Variants in GNA14 observed in about 807,000 individuals in gnomAD.
GNA14 encodes the protein G protein subunit alpha 14, also known as guanine nucleotide-binding protein subunit alpha-14.
Under a neutral mutation model 42.0 loss-of-function variants are expected in GNA14, and 50 were observed. The ratio of observed to expected loss-of-function variants is 1.19; its 90% CI spans 0.95 to 1.51. The LOEUF (loss-of-function observed/expected upper bound fraction) is 1.51. Among genes scored for constraint, GNA14 ranks in the 40% most tolerant of loss-of-function variants. The pLI is 0.00. For synonymous variants in GNA14, 173 were observed against 163.1 expected (o/e 1.06, Z -0.46); for missense variants, 473 against 446.2 (o/e 1.06, Z -0.54).
chr9:77,485,520 G>T (rs1203336093), intron 2 of GNA14, among the ~76,000 whole-genome samples: 2 of 152,054 alleles, frequency 1.3e-5, no homozygotes, highest in Non-Finnish European at 2.9e-5. Flanking sequence ...GTTCTTCATG[G>T]TATCTAGAAT....
chr9:77,462,421 T>C (rs1225717455), intron 2 of GNA14, among the ~76,000 whole-genome samples: 1 of 152,134 alleles, frequency 6.6e-6, no homozygotes. Context: ...CAACTTTGGT[T>C]AGAAATAACT....
chr9:77,545,506 T>C (rs1326639106), intron 1 of GNA14, among the ~76,000 whole-genome samples: 2 of 152,226 alleles, frequency 1.3e-5, no homozygotes, highest in Non-Finnish European at 2.9e-5. Flanking sequence ...AAATTTGCTC[T>C]TGAAAGGTCC....
chr9:77,535,260 T>C (rs11145468), intron 1 of GNA14, among the ~76,000 whole-genome samples: 44,389 of 152,108 alleles, frequency 0.29, 7,181 homozygotes, highest in African/African-American at 0.43. Context: ...ATTTATGGGC[T>C]GGGTGCGGTG....
At chr9:77,517,315 A>C (rs1358267085) in intron 2 of GNA14, 1 of 151,904 alleles carries the variant, frequency 6.6e-6, no homozygotes, top group Non-Finnish European at 1.5e-5. Context: ...TTCATTCAAA[A>C]ATAGGGAGCA....
intron 2 of GNA14, among the ~76,000 whole-genome samples, chr9:77,518,404 G>C (rs1837295787): frequency 6.6e-6 from 1 of 152,010 alleles, no homozygotes; most frequent in Non-Finnish European, 1.5e-5. Context: ...GCAAAGGCAA[G>C]TCTCTACACA....
At chr9:77,616,957 C>T (rs886939163) in intron 1 of GNA14, among the ~76,000 whole-genome samples, 38 of 152,114 alleles carry the variant, frequency 2.5e-4, no homozygotes, top group Non-Finnish European at 5.1e-4. Flanking sequence ...GCAAGCTCCG[C>T]CTCCCGGGTT....
chr9:77,586,618 G>A (rs993384194), intron 1 of GNA14, among the ~76,000 whole-genome samples: 2 of 152,178 alleles, frequency 1.3e-5, no homozygotes, highest in African/African-American at 2.4e-5. Context: ...ACAGAGGGGC[G>A]GCCAAGTGGG....
At chr9:77,562,598 G>A (rs544718972) in intron 1 of GNA14, among the ~76,000 whole-genome samples, 5 of 152,248 alleles carry the variant, frequency 3.3e-5, no homozygotes, top group East Asian at 1.9e-4. Context: ...CTATTCATAC[G>A]TGGTAAAAGT....
At chr9:77,548,668 T>G (rs1349332682) in intron 1 of GNA14, among the ~76,000 whole-genome samples, 3 of 152,240 alleles carry the variant, frequency 2.0e-5, no homozygotes, top group African/African-American at 7.2e-5. Flanking sequence ...TTACCCGCCA[T>G]CCAGTGTTAA....
intron 1 of GNA14, among the ~76,000 whole-genome samples, chr9:77,619,722 C>CTA (rs1554703953): frequency 6.6e-6 from 1 of 152,110 alleles, no homozygotes; most frequent in African/African-American, 2.4e-5. Flanking sequence ...GGTGTCTGGC[C>CTA]TATAGTCAGC....
At chr9:77,512,512 A>C (rs1010930604) in intron 2 of GNA14, among the ~76,000 whole-genome samples, 5 of 152,218 alleles carry the variant, frequency 3.3e-5, no homozygotes, top group African/African-American at 1.2e-4. Flanking sequence ...CAGAAAAATT[A>C]ACAGGGAAAT....
At chr9:77,540,044 G>T (rs1248284227) in intron 1 of GNA14, among the ~76,000 whole-genome samples, 1 of 151,860 alleles carries the variant, frequency 6.6e-6, no homozygotes, top group Non-Finnish European at 1.5e-5. Flanking sequence ...GGTTTGGTTT[G>T]TTCTTGTATT....
In GNA14 at chr9:77,423,931, G is replaced by A. The variant is rs762611550; in HGVS notation, c.*48C>T. ...GAAGCACTTGCAAATAAAACAAGGA[G>A]TTTGCAAATCACATCTTCTGTTATA... is the stretch of plus-strand genomic sequence containing the variant. On this transcript the variant is annotated 3_prime_UTR_variant, in exon 7 of 7. Transcript: ENST00000341700. 7.3e-7 allele frequency: 1 copy of A among 1,363,696 alleles called. No individual in the cohort carries two copies. The highest frequency in any genetic ancestry group is 1.0e-6 in the Non-Finnish European group (1 of 995,884). The allele number at this position is 1,363,696 out of a possible 1,614,324, so 84.5% of individuals were successfully genotyped here.
intron 2 of GNA14, among the ~76,000 whole-genome samples, chr9:77,463,581 G>C (rs772004772): frequency 6.6e-6 from 1 of 152,218 alleles, no homozygotes; most frequent in African/African-American, 2.4e-5. Context: ...CATTTAGAAA[G>C]TGTGATTAAC....
chr9:77,542,766 C>T (rs1179746166), intron 1 of GNA14, among the ~76,000 whole-genome samples: 2 of 152,210 alleles, frequency 1.3e-5, no homozygotes, highest in Non-Finnish European at 2.9e-5. Flanking sequence ...TGAGCCCAAC[C>T]TCAGACCCTG....
intron 2 of GNA14, among the ~76,000 whole-genome samples, chr9:77,457,203 G>C (rs747983113): frequency 6.6e-6 from 1 of 152,210 alleles, no homozygotes; most frequent in Non-Finnish European, 1.5e-5. Context: ...GAGAAAGTGG[G>C]AGCGAGAGAG....
chr9:77,593,038 C>A (rs949001451), intron 1 of GNA14, among the ~76,000 whole-genome samples: 4 of 151,738 alleles, frequency 2.6e-5, no homozygotes, highest in African/African-American at 9.7e-5. Context: ...GGGTAGAGGG[C>A]AGGGGGAAGG....
intron 2 of GNA14, among the ~76,000 whole-genome samples, chr9:77,444,564 T>G (rs1221706177): frequency 6.6e-6 from 1 of 152,190 alleles, no homozygotes; most frequent in African/African-American, 2.4e-5. Context: ...TTCCCTGCTT[T>G]GCATCCCCGT....
chr9:77,425,851 C>G, intron 5 of GNA14, 136 bp from the exon 6 acceptor site: 1 of 702,160 alleles, frequency 1.4e-6, no homozygotes, highest in Non-Finnish European at 2.4e-6. Flanking sequence ...AGCTGGTGAG[C>G]ATGTGGGGCC....
Sources: allele counts gnomAD v4.1 joint callset (sites outside exome capture counted in the v4.1 genomes callset), GRCh38; gene constraint gnomAD v4.1.1; transcripts MANE v1.5; gene names NCBI Gene and HGNC (gene_info 2026-07-23, HGNC 2026-07-21).